MLF1: variants seen among roughly 807,000 people sequenced by gnomAD.
The protein encoded by MLF1 is myelodysplasia-myeloid leukemia factor 1.
A neutral mutation model predicts 38.3 loss-of-function variants in MLF1; 37 were observed. That is an observed-to-expected ratio of 0.96 (90% CI 0.74 to 1.27). MLF1 has a LOEUF of 1.27. MLF1 is among the 50% of genes most tolerant of loss of function. The pLI, the probability that MLF1 is intolerant of heterozygous loss-of-function variation, is 0.00. For missense variants in MLF1, 331 were observed against 349.2 expected, an observed-to-expected ratio of 0.95 and a Z score of 0.42; for synonymous variants, 95 against 106.5, an observed-to-expected ratio of 0.89 and a Z score of 0.66.
intron 3 of MLF1, among the ~76,000 whole-genome samples, chr3:158,594,618 T>A (rs1382900037): frequency 6.6e-6 from 1 of 152,152 alleles, no homozygotes; most frequent in East Asian, 1.9e-4. Flanking sequence ...CTTGGTAAAG[T>A]ATTAGTGATG....
Position 158,599,647 on chromosome 3 carries a change from A to G in MLF1, c.454-367A>G, listed in dbSNP as rs545027881. ...GGAATCATGAGATTCAAGCCAATCA[A>G]TATGACTGATGAATAATTAGTTGCC... On this transcript the variant is annotated intron_variant, in intron 5 of 7. Coordinates refer to ENST00000466246, the MANE Select transcript of MLF1 (RefSeq NM_001369783.1). Among the ~76,000 whole-genome samples, 7 of 152,300 alleles carry G rather than the reference A, an allele frequency of 4.6e-5. No homozygotes were observed. In the South Asian group the frequency reaches 6.2e-4, roughly 14 times the overall value.
chr3:158,588,600 C>CAAA (rs67267045), intron 1 of MLF1, among the ~76,000 whole-genome samples: 12 of 51,218 alleles, frequency 2.3e-4, no homozygotes, highest in Non-Finnish European at 3.4e-4. Context: ...GACTCCGTCT[C>CAAA]AAAAAAAAAA....
intron 1 of MLF1, among the ~76,000 whole-genome samples, chr3:158,574,213 A>G (rs1396714506): frequency 6.6e-6 from 1 of 152,230 alleles, no homozygotes; most frequent in Non-Finnish European, 1.5e-5. Flanking sequence ...ATATAGAAAA[A>G]TAAAATGATT....
At chr3:158,594,462 T>C (rs1458049754) in intron 3 of MLF1, among the ~76,000 whole-genome samples, 1 of 103,276 alleles carries the variant, frequency 9.7e-6, no homozygotes, top group Non-Finnish European at 2.0e-5. Flanking sequence ...CAGAGACTTC[T>C]TTAGACCGTA....
At chr3:158,598,415 GC>G (rs1425348002) in intron 5 of MLF1, among the ~76,000 whole-genome samples, 9 of 149,710 alleles carry the variant, frequency 6.0e-5, no homozygotes, top group East Asian at 2.0e-4. Flanking sequence ...TTTTTTTGTA[GC>G]CCCCCCACCC....
At chr3:158,578,933 A>G (rs1289345090) in intron 1 of MLF1, among the ~76,000 whole-genome samples, 1 of 152,174 alleles carries the variant, frequency 6.6e-6, no homozygotes, top group Non-Finnish European at 1.5e-5. Flanking sequence ...ATGGTTAATT[A>G]TTCAATGCTT....
Position 158,571,224 on chromosome 3 carries a change from C to G in MLF1, c.-77C>G. 8.1e-7 allele frequency: 1 copy of G among 1,237,574 alleles called. No homozygotes were observed. The highest frequency in any genetic ancestry group is 1.3e-5 in the South Asian group (1 of 79,688). 76.7% of individuals were successfully genotyped at this position (1,237,574 alleles called of 1,614,324 possible). A position where few individuals can be genotyped will look rare whatever the true frequency, so the allele number is the denominator to read the frequency against. On this transcript the variant is annotated 5_prime_UTR_variant, in exon 1 of 8. Transcript: ENST00000466246. ...AGGCGTCGTCCGTACTGGAGGCTAG[C>G]TCTTGTCGCGGCCGCGGCGAGTTAA...
chr3:158,585,711 A>T (rs1412230585), intron 1 of MLF1, among the ~76,000 whole-genome samples: 1 of 152,240 alleles, frequency 6.6e-6, no homozygotes, highest in Non-Finnish European at 1.5e-5. Flanking sequence ...AACATTCAAC[A>T]CAGAATCACA....
intron 1 of MLF1, among the ~76,000 whole-genome samples, chr3:158,585,416 C>T (rs990269092): frequency 6.6e-6 from 1 of 152,164 alleles, no homozygotes; most frequent in Non-Finnish European, 1.5e-5. Context: ...GATGCTGGCT[C>T]CATGATTCTT....
At chr3:158,589,011 A>G (rs1717737510) in intron 1 of MLF1, 3 of 423,354 alleles carry the variant, frequency 7.1e-6, no homozygotes, top group South Asian at 3.4e-5. Context: ...ATCCAAAGTC[A>G]CTAAGGAGGA....
chr3:158,585,066 A>G (rs1434789520), intron 1 of MLF1, among the ~76,000 whole-genome samples: 3 of 151,648 alleles, frequency 2.0e-5, no homozygotes, highest in African/African-American at 7.3e-5. Context: ...GAAAAAGAAA[A>G]AGAAAAATAC....
intron 7 of MLF1, among the ~76,000 whole-genome samples, chr3:158,603,580 G>A (rs1720102855): frequency 6.6e-6 from 1 of 152,174 alleles, no homozygotes; most frequent in Non-Finnish European, 1.5e-5. Flanking sequence ...GCTCATACCT[G>A]TAATCCCAGC....
Position 158,599,196 on chromosome 3 carries a change from C to G in MLF1, c.454-818C>G, listed in dbSNP as rs918881676. On this transcript the variant is annotated intron_variant, in intron 5 of 7. Transcript: ENST00000466246. Reference sequence around the variant, plus strand: ...AGGTGAGTCTAATCTTTCACTAATTCATCTTTATACATGGCTCCTTATACA... The same window carrying G: ...AGGTGAGTCTAATCTTTCACTAATTGATCTTTATACATGGCTCCTTATACA... 3.9e-4 allele frequency among the ~76,000 whole-genome samples: 60 copies of G among 152,212 alleles called. 1 individual carries two copies. Among genetic ancestry groups the G allele is most frequent in the Admixed American group, 2.0e-4 (3 of 15,296 alleles).
chr3:158,587,341 G>A (rs1162676455), intron 1 of MLF1, among the ~76,000 whole-genome samples: 1 of 152,148 alleles, frequency 6.6e-6, no homozygotes, highest in African/African-American at 2.4e-5. Flanking sequence ...AAAGGTGTTT[G>A]CCCATGTACT....
At chr3:158,590,892 A>G (rs1441187681) in intron 1 of MLF1, 1 of 434,786 alleles carries the variant, frequency 2.3e-6, no homozygotes, top group Non-Finnish European at 4.6e-6. Flanking sequence ...AACAAGGCTG[A>G]ATGAAAACAT....
At chr3:158,578,497 T>G (rs1160950623) in intron 1 of MLF1, among the ~76,000 whole-genome samples, 1 of 149,444 alleles carries the variant, frequency 6.7e-6, no homozygotes, top group East Asian at 2.0e-4. Context: ...TGTACATACA[T>G]ACATACAAAC....
In MLF1 at chr3:158,606,432, TTAAAA is replaced by T. The variant is rs1413371907; in HGVS notation, c.*1237_*1241del. ...AGTTTGTGTTTTATGCCTTTAGTCA[TTAAAA>T]TAAAATGCAAATGTGTTAATTCATT... is the stretch of plus-strand genomic sequence containing the variant. On this transcript the variant is annotated 3_prime_UTR_variant, in exon 8 of 8. Transcript: ENST00000466246. The T allele has an allele frequency of 1.9e-5, 3 of 157,882 alleles. No homozygotes were observed. Among genetic ancestry groups the T allele is most frequent in the African/African-American group, 7.2e-5 (3 of 41,670 alleles). The allele number at this position is 157,882 out of a possible 1,614,324, so 9.8% of individuals were successfully genotyped here.
chr3:158,588,477 T>C lies in MLF1; in HGVS notation c.48-3957T>C, dbSNP rs886096752. Among the ~76,000 whole-genome samples the C allele has an allele frequency of 4.6e-5, 7 of 152,006 alleles. No homozygotes were observed. The South Asian group carries it at 1.2e-3, about 27-fold the overall frequency. The stretch of plus-strand genomic sequence containing the variant: ...TTAGCTGGGTGTGGTGGCTGGTGCC[T>C]GTAGTCCCAGCTACTCGGGGGGCTG... On this transcript the variant is annotated intron_variant, in intron 1 of 7. Coordinates refer to ENST00000466246, the MANE Select transcript of MLF1 (RefSeq NM_001369783.1).
chr3:158,591,022 G>A (rs976422080), intron 1 of MLF1: 2 of 438,096 alleles, frequency 4.6e-6, no homozygotes, highest in Non-Finnish European at 9.0e-6. Context: ...GAGCTCTTTT[G>A]GAATAGGTTT....
Sources: allele counts gnomAD v4.1 joint callset (sites outside exome capture counted in the v4.1 genomes callset), GRCh38; gene constraint gnomAD v4.1.1; transcripts MANE v1.5; gene names NCBI Gene and HGNC (gene_info 2026-07-23, HGNC 2026-07-21).